MINDY1: variants seen among roughly 807,000 people sequenced by gnomAD.
The protein encoded by MINDY1 is MINDY lysine 48 deubiquitinase 1.
A neutral mutation model predicts 53.6 loss-of-function variants in MINDY1; 50 were observed. The ratio of observed to expected loss-of-function variants is 0.93; its 90% CI spans 0.74 to 1.18. The LOEUF is 1.18. Among genes scored for constraint, MINDY1 ranks in the 50% most tolerant of loss-of-function variants. The pLI, the probability that MINDY1 is intolerant of heterozygous loss-of-function variation, is 0.00. For missense variants in MINDY1, 484 were observed against 578.6 expected (o/e 0.84, Z 1.68); for synonymous variants, 231 against 234.7 (o/e 0.98, Z 0.14).
Position 151,002,685 on chromosome 1 carries a change from G to T in MINDY1, c.-68C>A, listed in dbSNP as rs748972996. On this transcript the variant is annotated 5_prime_UTR_variant, in exon 2 of 10. Transcript: ENST00000683666. This position sits in a 1 kb window ranked among gnomAD's most constrained non-coding sequence, Gnocchi z 4.1. The stretch of plus-strand genomic sequence containing the variant: ...AACCTCAGGGACTTGCCTAAGCCAG[G>T]CTTGGGATGCAAAAGAGTGACCTGT... The T allele has an allele frequency of 3.1e-6, 5 of 1,609,886 alleles. No homozygotes were observed. The highest frequency in any genetic ancestry group is 1.7e-5 in the Admixed American group (1 of 59,118).
At chr1:151,000,041 GC>G in intron 5 of MINDY1, 77 bp from the exon 6 acceptor site, 1 of 1,104,182 alleles carries the variant, frequency 9.1e-7, no homozygotes, top group Non-Finnish European at 1.4e-6. Flanking sequence ...AATGAACAAA[GC>G]TCACAAGGAC....
At position 150,999,404 on chromosome 1, in the gene MINDY1, G is replaced by C; in HGVS notation, c.946C>G (p.Arg316Gly). The C allele has an allele frequency of 6.2e-7, 1 of 1,614,038 alleles. No individual in the cohort carries two copies. The highest frequency in any genetic ancestry group is 8.5e-7 in the Non-Finnish European group (1 of 1,180,012). The change falls in exon 7 of 10, where the codon CGA (arginine) becomes GGA (glycine). Residue 316 changes from arginine (R) to glycine (G), a missense_variant. Physicochemically the swap from Arg to Gly is moderately radical, Grantham distance 125. Transcript: ENST00000683666. This position sits in a 1 kb window ranked among gnomAD's most constrained non-coding sequence, Gnocchi z 4.4. The stretch of plus-strand genomic sequence containing the variant: ...GTCATGGTGCTAAAGTGGTTGTTTC[G>C]GAAAAAGACGCTAAGTTCACCCTCC... Reference protein sequence around the residue: ...AKEGELSVFFRNNHFSTMTKH... With the variant: ...AKEGELSVFFGNNHFSTMTKH...
chr1:151,004,595 T>C (rs1314340601), intron 1 of MINDY1, among the ~76,000 whole-genome samples: 2 of 151,986 alleles, frequency 1.3e-5, no homozygotes, highest in Non-Finnish European at 1.5e-5. Context: ...CCAGGTGTGT[T>C]GGCACGTGCC....
rs1024721892 is a variant in MINDY1 at position 150,997,059 on chromosome 1, C to A, written c.*228G>T. The A allele has an allele frequency of 1.7e-6, 1 of 587,490 alleles. No individual in the cohort carries two copies. Among genetic ancestry groups the A allele is most frequent in the Non-Finnish European group, 3.1e-6 (1 of 327,570 alleles). The allele number at this position is 587,490 out of a possible 1,614,324, so 36.4% of individuals were successfully genotyped here. On this transcript the variant is annotated 3_prime_UTR_variant, in exon 10 of 10. Transcript: ENST00000683666. Reference sequence around the variant, plus strand: ...CTATTCAGGGACCGGGAGTTGAGAACCAGAAACCCACCAATCCTAGTGTTG... The same window carrying A: ...CTATTCAGGGACCGGGAGTTGAGAAACAGAAACCCACCAATCCTAGTGTTG...
chr1:151,006,303 A>G lies in MINDY1; in HGVS notation c.-90+9T>C. 7.0e-7 allele frequency: 1 copy of G among 1,430,500 alleles called. No individual in the cohort carries two copies. Among genetic ancestry groups the G allele is most frequent in the Non-Finnish European group, 9.2e-7 (1 of 1,090,830 alleles). The allele number at this position is 1,430,500 out of a possible 1,614,324, so 88.6% of individuals were successfully genotyped here. On this transcript the variant is annotated intron_variant, in intron 1 of 9. Transcript: ENST00000683666. ...GAGGTGAAGAAGATGATTAAAATAAAGTTTTTACCTTAAAGAAGGGGGTGC... is the reference window on the plus strand; with the variant it reads ...GAGGTGAAGAAGATGATTAAAATAAGGTTTTTACCTTAAAGAAGGGGGTGC...
chr1:150,997,568 A>G (rs764959774), intron 9 of MINDY1, 56 bp downstream of exon 9: 1 of 1,601,990 alleles, frequency 6.2e-7, no homozygotes, highest in Non-Finnish European at 8.5e-7. Flanking sequence ...GGTGTTCTGG[A>G]CCCGGCAAAG....
chr1:150,999,539 A>G lies in MINDY1; in HGVS notation c.839-28T>C. 6.2e-7 allele frequency: 1 copy of G among 1,612,046 alleles called. No individual in the cohort carries two copies. The highest frequency in any genetic ancestry group is 8.5e-7 in the Non-Finnish European group (1 of 1,179,726). On this transcript the variant is annotated intron_variant, in intron 6 of 9. Coordinates refer to ENST00000683666, the MANE Select transcript of MINDY1 (RefSeq NM_001376665.1). This position sits in a 1 kb window ranked among gnomAD's most constrained non-coding sequence, Gnocchi z 4.4. ...GCCAGAAAGGGACGAGTCGGGGGAA[A>G]CTTGGCTTAAATTCAAGGTCCACAA...
At chr1:151,005,113 C>A (rs187932268) in intron 1 of MINDY1, among the ~76,000 whole-genome samples, 1 of 152,176 alleles carries the variant, frequency 6.6e-6, no homozygotes, top group East Asian at 1.9e-4. Context: ...TTAGGGTGAA[C>A]CTCAAAGCAG....
At chr1:151,000,716 T>C in intron 4 of MINDY1, 101 bp from the exon 5 acceptor site, 2 of 1,319,372 alleles carry the variant, frequency 1.5e-6, no homozygotes, top group African/African-American at 1.5e-5. Flanking sequence ...TCTTCTTCCC[T>C]GATTCTCTTA....
Position 151,002,936 on chromosome 1 carries a change from G to T in MINDY1, c.-89-230C>A. On this transcript the variant is annotated intron_variant, in intron 1 of 9. Transcript: ENST00000683666. The surrounding 1 kb of genome is among the most constrained non-coding windows in gnomAD (Gnocchi z 4.1). ...CTTCCAGACTTGGGAGGGAAGACTG[G>T]TGGGATTGAACACATGGGTGGAGTC... is the stretch of plus-strand genomic sequence containing the variant. 1 of 1,346,892 alleles carries T rather than the reference G, an allele frequency of 7.4e-7. No homozygotes were observed. Among genetic ancestry groups the T allele is most frequent in the Non-Finnish European group, 9.5e-7 (1 of 1,048,828 alleles). 83.4% of individuals were successfully genotyped at this position (1,346,892 alleles called of 1,614,324 possible).
rs1393789657 is a variant in MINDY1 at position 151,002,749 on chromosome 1, A to G, written c.-89-43T>C. 6.6e-7 allele frequency: 1 copy of G among 1,514,618 alleles called. No individual in the cohort carries two copies. The highest frequency in any genetic ancestry group is 2.3e-5 in the Admixed American group (1 of 44,404). 93.8% of individuals were successfully genotyped at this position (1,514,618 alleles called of 1,614,324 possible). On this transcript the variant is annotated intron_variant, in intron 1 of 9. Coordinates refer to ENST00000683666, the MANE Select transcript of MINDY1 (RefSeq NM_001376665.1). The surrounding 1 kb of genome is among the most constrained non-coding windows in gnomAD (Gnocchi z 4.1). ...AATCAGTGGGCTGGAAAGCAAACTA[A>G]CCCAGAAAAGTCTTGGAAAAGGAAT...
rs750330879 is a variant in MINDY1 at position 151,002,208 on chromosome 1, C to A, written c.410G>T (p.Cys137Phe). Residue 137 changes from cysteine to phenylalanine, a missense_variant, in exon 2 of 10, where the codon TGC (cysteine) becomes TTC (phenylalanine). By Grantham distance (205) the Cys-to-Phe change is radical. Transcript: ENST00000683666. This position sits in a 1 kb window ranked among gnomAD's most constrained non-coding sequence, Gnocchi z 4.1. ...GATGTTCATGATGGCAAGGAGAGGG[C>A]AAGGGCCGTTAGTGCTCTGGGTGAT... ...PIITQSTNGP[C>F]PLLAIMNILF... 19 of 1,613,666 alleles carry A rather than the reference C, an allele frequency of 1.2e-5. No homozygotes were observed. The highest frequency in any genetic ancestry group is 1.6e-5 in the Non-Finnish European group (19 of 1,179,760).
At position 151,002,549 on chromosome 1, in the gene MINDY1, T is replaced by C. The variant is rs759426546; in HGVS notation, c.69A>G (p.Glu23=). ...CTGGGCCTGCCAGAACCTCATGGTT[T>C]TCAGGGATGACTGCTTCTGCAGTCC... ...KAGTAEAVIP[E]NHEVLAGPDE... The change falls in exon 2 of 10, where the codon GAA becomes GAG. Residue 23 remains glutamate (E), a synonymous_variant. Coordinates refer to ENST00000683666, the MANE Select transcript of MINDY1 (RefSeq NM_001376665.1). The surrounding 1 kb of genome is among the most constrained non-coding windows in gnomAD (Gnocchi z 4.1). 1.2e-6 allele frequency: 2 copies of C among 1,614,094 alleles called. No individual in the cohort carries two copies. The highest frequency in any genetic ancestry group is 1.7e-6 in the Non-Finnish European group (2 of 1,180,042).
chr1:151,001,578 C>T, intron 3 of MINDY1, 147 bp downstream of exon 3: 1 of 1,048,138 alleles, frequency 9.5e-7, no homozygotes, highest in Non-Finnish European at 1.4e-6. Context: ...TTTCATTCTC[C>T]AGCCTTGCAG....
chr1:151,007,776 C>T (rs1057277063), upstream of MINDY1, among the ~76,000 whole-genome samples: 2 of 152,184 alleles, frequency 1.3e-5, no homozygotes, highest in Non-Finnish European at 2.9e-5. Context: ...TGGAACCTAA[C>T]TCCACATTCT....
At chr1:151,000,073 T>G in intron 5 of MINDY1, 109 bp from the exon 6 acceptor site, 1 of 721,848 alleles carries the variant, frequency 1.4e-6, no homozygotes, top group Non-Finnish European at 2.2e-6. Context: ...TGATGAATGG[T>G]TCCTAAACAC....
At chr1:150,998,645 C>G (rs774643208) in intron 7 of MINDY1, among the ~76,000 whole-genome samples, 1 of 152,156 alleles carries the variant, frequency 6.6e-6, no homozygotes, top group Non-Finnish European at 1.5e-5. Flanking sequence ...CATGAGCCAC[C>G]GCACCCGGAC....
chr1:151,008,376 G>A, upstream of MINDY1: 4 of 1,238,792 alleles, frequency 3.2e-6, no homozygotes, highest in Non-Finnish European at 4.3e-6. Flanking sequence ...TCGCCGGAAA[G>A]ACGTCCCAGG....
chr1:151,001,267 G>A lies in MINDY1; in HGVS notation c.559C>T (p.Gln187Ter). Residue 187 changes from glutamine (Q) to a stop codon, truncating the protein, a stop_gained, in exon 4 of 10, where the codon CAG (glutamine) becomes TAG (stop). Transcript: ENST00000683666. LOFTEE classifies it high-confidence loss of function. The stretch of plus-strand genomic sequence containing the variant: ...TGCCTCACCTGCTGAAAATTAAGCT[G>A]AAGTCCCTCTGACTTCTCCTGGGGC... ...IKPQEKSEGL[Q>*]LNFQQNVDDA... is the part of the protein sequence containing the mutation. 6.2e-7 allele frequency: 1 copy of A among 1,614,186 alleles called. No individual in the cohort carries two copies. Among genetic ancestry groups the A allele is most frequent in the Non-Finnish European group, 8.5e-7 (1 of 1,180,038 alleles).
Sources: gnomAD v4.1 joint callset for allele counts (sites outside exome capture counted in the v4.1 genomes callset) on GRCh38, gnomAD v4.1.1 for gene constraint, Gnocchi (gnomAD v3.1) non-coding constraint, MANE v1.5 for transcripts, NCBI Gene and HGNC (gene_info 2026-07-23, HGNC 2026-07-21) for gene names.